The following TULP4 variants were observed in gnomAD, a reference collection of about 807,000 sequenced individuals.
The protein encoded by TULP4 is TUB like protein 4, also known as tubby-related protein 4.
TULP4 carries 16 observed loss-of-function variants against 129.0 expected under a neutral mutation model. The ratio of observed to expected loss-of-function variants is 0.12; its 90% CI spans 0.08 to 0.19. TULP4 has a LOEUF of 0.19. Ranked by LOEUF, TULP4 falls within the 10% of genes least tolerant of loss-of-function variation. TULP4 has a pLI of 1.00. For synonymous variants in TULP4, 998 were observed against 854.0 expected, an observed-to-expected ratio of 1.17 and a Z score of -2.94; for missense variants, 1,842 against 2,059.1, an observed-to-expected ratio of 0.89 and a Z score of 2.04.
intron 1 of TULP4, among the ~76,000 whole-genome samples, chr6:158,321,187 C>T (rs952098407): frequency 2.0e-5 from 3 of 152,094 alleles, no homozygotes; most frequent in Non-Finnish European, 4.4e-5. Flanking sequence ...TTAAACTGCA[C>T]TTGATGTCTC....
chr6:158,350,301 C>T (rs1466795766), intron 1 of TULP4, among the ~76,000 whole-genome samples: 39 of 133,356 alleles, frequency 2.9e-4, no homozygotes, highest in South Asian at 1.7e-3. Context: ...CAGGCAGAGA[C>T]GCTGCTCACT....
intron 1 of TULP4, among the ~76,000 whole-genome samples, chr6:158,384,038 G>A (rs1003907815): frequency 3.9e-5 from 6 of 152,216 alleles, no homozygotes; most frequent in African/African-American, 7.2e-5. Flanking sequence ...GAATCTATCT[G>A]TGACTGCCCA....
At chr6:158,405,182 GT>G (rs1777950347) in intron 1 of TULP4, among the ~76,000 whole-genome samples, 1 of 152,190 alleles carries the variant, frequency 6.6e-6, no homozygotes, top group Non-Finnish European at 1.5e-5. Context: ...TAACAAGATA[GT>G]TTTTTCAGAC....
intron 13 of TULP4, 84 bp downstream of exon 13, chr6:158,504,262 G>C (rs767247448): frequency 1.7e-5 from 20 of 1,147,140 alleles, no homozygotes; most frequent in Non-Finnish European, 2.4e-5. Context: ...TTTTCAAAAG[G>C]CCAAATGGGA....
intron 1 of TULP4, among the ~76,000 whole-genome samples, chr6:158,386,250 A>G (rs939196040): frequency 6.6e-6 from 1 of 152,146 alleles, no homozygotes; most frequent in African/African-American, 2.4e-5. Context: ...TCAGACTCCT[A>G]TTAATTATAT....
chr6:158,283,690 C>G (rs1299708133), intron 1 of TULP4, among the ~76,000 whole-genome samples: 1 of 152,226 alleles, frequency 6.6e-6, no homozygotes, highest in Admixed American at 6.5e-5. Context: ...TACCAGTCAT[C>G]CTTCAGAACT....
At chr6:158,246,942 A>G (rs1231866504) in intron 1 of TULP4, among the ~76,000 whole-genome samples, 1 of 152,236 alleles carries the variant, frequency 6.6e-6, no homozygotes, top group Non-Finnish European at 1.5e-5. Context: ...AGTGCTGTGC[A>G]GAGGATATAG....
intron 1 of TULP4, among the ~76,000 whole-genome samples, chr6:158,373,471 G>A (rs998625906): frequency 5.9e-5 from 9 of 152,192 alleles, no homozygotes; most frequent in South Asian, 2.1e-4. Context: ...TGTGGCAGTC[G>A]AATCAGTCAT....
chr6:158,395,868 G>A (rs967265690), intron 1 of TULP4, among the ~76,000 whole-genome samples: 1 of 151,500 alleles, frequency 6.6e-6, no homozygotes, highest in Admixed American at 6.6e-5. Context: ...TTTCAAAGAT[G>A]TACTACAATT....
rs1328901401 is a variant in TULP4 at position 158,502,532 on chromosome 6, G to C, written c.2869G>C (p.Asp957His). 3.1e-6 allele frequency: 5 copies of C among 1,610,502 alleles called. No individual in the cohort carries two copies. Among genetic ancestry groups the C allele is most frequent in the Non-Finnish European group, 3.4e-6 (4 of 1,179,858 alleles). The change falls in exon 13 of 14, where the codon GAC becomes CAC. Residue 957 changes from aspartate to histidine, a missense_variant. Around this residue, in one of 5 missense-constraint regions of TULP4, gnomAD observed 1,089 missense variants for 987.1 expected, o/e 1.10. Coordinates refer to ENST00000367097, the MANE Select transcript of TULP4 (RefSeq NM_020245.5). ...CCCTCGCTACTCCATCCCCACCGGG[G>C]ACCCACCCCCGTATCCTGAAATTGC... ...TVPRYSIPTG[D>H]PPPYPEIASQ...
chr6:158,338,598 G>A (rs889540173), intron 1 of TULP4, among the ~76,000 whole-genome samples: 1 of 152,134 alleles, frequency 6.6e-6, no homozygotes, highest in African/African-American at 2.4e-5. Flanking sequence ...CCACATTTCC[G>A]CATACTAGAG....
chr6:158,430,615 G>A (rs967009636), intron 3 of TULP4, among the ~76,000 whole-genome samples: 1 of 152,240 alleles, frequency 6.6e-6, no homozygotes, highest in East Asian at 1.9e-4. Flanking sequence ...AGGCATGATG[G>A]CGGGCGCCTG....
chr6:158,293,412 T>C (rs759686534), intron 1 of TULP4, among the ~76,000 whole-genome samples: 5 of 152,238 alleles, frequency 3.3e-5, no homozygotes, highest in Non-Finnish European at 7.3e-5. Flanking sequence ...CAGTACCTTA[T>C]TGAACACTTA....
intron 4 of TULP4, 69 bp downstream of exon 4, chr6:158,449,245 C>CT: frequency 6.7e-7 from 1 of 1,487,952 alleles, no homozygotes; most frequent in East Asian, 2.3e-5. Flanking sequence ...GCAGAGTAGA[C>CT]TGATGTGGAG....
At chr6:158,342,351 T>A (rs1218009702) in intron 1 of TULP4, among the ~76,000 whole-genome samples, 1 of 152,228 alleles carries the variant, frequency 6.6e-6, no homozygotes, top group East Asian at 1.9e-4. Context: ...AAAAGTTGAG[T>A]TTACATAAGA....
intron 3 of TULP4, among the ~76,000 whole-genome samples, chr6:158,440,211 G>A (rs1778855420): frequency 6.6e-6 from 1 of 151,346 alleles, no homozygotes; most frequent in African/African-American, 2.4e-5. Flanking sequence ...TCAGCTACTG[G>A]GGAGGCTGAG....
rs1396811219 is a variant in TULP4 at position 158,276,655 on chromosome 6, C to T, written n.69-35396C>T. 2.6e-5 allele frequency among the ~76,000 whole-genome samples: 4 copies of T among 152,212 alleles called. No individual in the cohort carries two copies. In the East Asian group the frequency reaches 7.7e-4, roughly 29 times the overall value. ...CAATATAGATGGTGCCAGCTTGACA[C>T]CCTTGTGTCATAGGGTCCCTTTGCC... On this transcript the variant is annotated intron_variant and non_coding_transcript_variant, in intron 1 of 1. Transcript: ENST00000620026.
rs977685365 is a variant in TULP4, at chr6:158,267,908, T to A, written n.68+35605T>A. Among the ~76,000 whole-genome samples, 3 of 152,272 alleles carry A rather than the reference T, an allele frequency of 2.0e-5. No individual in the cohort carries two copies. In the East Asian group the frequency reaches 5.8e-4, roughly 29 times the overall value. On this transcript the variant is annotated intron_variant and non_coding_transcript_variant, in intron 1 of 1. Transcript: ENST00000620026. ...TCAGTCGAATCCCTTCTCCTCCATG[T>A]CTTCTAGAAATTGAGAAGGGTTTAT...
intron 1 of TULP4, among the ~76,000 whole-genome samples, chr6:158,335,788 G>A (rs963323910): frequency 1.7e-4 from 26 of 152,166 alleles, no homozygotes; most frequent in African/African-American, 6.3e-4. Flanking sequence ...AGCACATGGT[G>A]TGCCATTATG....
Sources: allele counts gnomAD v4.1 joint callset (sites outside exome capture counted in the v4.1 genomes callset), GRCh38; gene constraint gnomAD v4.1.1; regional missense constraint gnomAD v4.1.1; transcripts MANE v1.5; gene names NCBI Gene and HGNC (gene_info 2026-07-23, HGNC 2026-07-21).